KIF13A: variants seen among roughly 807,000 people sequenced by gnomAD.
KIF13A encodes the protein kinesin-like protein KIF13A.
Under a neutral mutation model 212.2 loss-of-function variants are expected in KIF13A, and 79 were observed. That is an observed-to-expected ratio of 0.37 (90% CI 0.31 to 0.45). The LOEUF (loss-of-function observed/expected upper bound fraction) is 0.45. Among genes scored for constraint, KIF13A ranks in the 20% least tolerant of loss-of-function variants. KIF13A has a pLI of 1.00. For missense variants in KIF13A, 1,901 were observed against 2,209.0 expected (o/e 0.86, Z 2.79); for synonymous variants, 789 against 808.6 (o/e 0.98, Z 0.41).
chr6:17,965,178 C>T (rs954942885), intron 2 of KIF13A, among the ~76,000 whole-genome samples: 1 of 152,138 alleles, frequency 6.6e-6, no homozygotes, highest in Non-Finnish European at 1.5e-5. Context: ...GAAAAGGTTA[C>T]AAGCTTTCCA....
intron 20 of KIF13A, 147 bp downstream of exon 20, chr6:17,804,214 A>G: frequency 3.4e-6 from 2 of 596,662 alleles, no homozygotes; most frequent in Non-Finnish European, 5.5e-6. Flanking sequence ...ATCGATTATT[A>G]GTAGAGAAAA....
rs1359449464 is a variant in KIF13A, at chr6:17,984,273, C to T, written c.146+2781G>A. ...AAGGTGAGTGACTCTGGTGTAGGTA[C>T]TGGATCCACAAGTATCTTTGAATCC... On this transcript the variant is annotated intron_variant, in intron 2 of 38. Coordinates refer to ENST00000259711, the MANE Select transcript of KIF13A (RefSeq NM_022113.6). This position sits in a 1 kb window ranked among gnomAD's most constrained non-coding sequence, Gnocchi z 5.0. 1.3e-5 allele frequency among the ~76,000 whole-genome samples: 2 copies of T among 152,206 alleles called. No individual in the cohort carries two copies. The highest frequency in any genetic ancestry group is 2.9e-5 in the Non-Finnish European group (2 of 68,036).
intron 2 of KIF13A, among the ~76,000 whole-genome samples, chr6:17,932,465 A>C (rs1159709750): frequency 6.6e-6 from 1 of 152,210 alleles, no homozygotes; most frequent in Non-Finnish European, 1.5e-5. Context: ...GCATAGTTGC[A>C]TAAGGCTTTT....
chr6:17,808,622 T>C (rs764352784), intron 18 of KIF13A, 146 bp downstream of exon 18: 26 of 663,104 alleles, frequency 3.9e-5, no homozygotes, highest in Admixed American at 1.0e-4. Flanking sequence ...TCCAATGAGG[T>C]ATATAAAGAA....
chr6:17,974,470 C>T (rs1225917607), intron 2 of KIF13A, among the ~76,000 whole-genome samples: 1 of 152,200 alleles, frequency 6.6e-6, no homozygotes, highest in Non-Finnish European at 1.5e-5. Context: ...CTTGGGCATT[C>T]AACCTGGTCA....
At chr6:17,877,868 T>C (rs75914745) in intron 3 of KIF13A, among the ~76,000 whole-genome samples, 2,691 of 152,206 alleles carry the variant, frequency 0.018, 90 homozygotes, top group African/African-American at 0.061. Context: ...CTAAAAAAAT[T>C]TGCAGTCAGT....
chr6:17,896,769 C>G (rs1230427697), intron 3 of KIF13A, among the ~76,000 whole-genome samples: 4 of 152,174 alleles, frequency 2.6e-5, no homozygotes, highest in Non-Finnish European at 4.4e-5. Context: ...GTTTTTGTGT[C>G]TCTTTTTCAT....
chr6:17,962,580 T>C lies in KIF13A; in HGVS notation c.146+24474A>G, dbSNP rs1419123159. Reference sequence around the variant, plus strand: ...GAGGGTGGGGCAGGACACAACCATCTGTACCGGCCCTGCCCTCAGGAACAG... The same window carrying C: ...GAGGGTGGGGCAGGACACAACCATCCGTACCGGCCCTGCCCTCAGGAACAG... On this transcript the variant is annotated intron_variant, in intron 2 of 38. Coordinates refer to ENST00000259711, the MANE Select transcript of KIF13A (RefSeq NM_022113.6). Among the ~76,000 whole-genome samples the C allele has an allele frequency of 6.6e-5, 10 of 152,228 alleles. No individual in the cohort carries two copies. In the East Asian group the frequency reaches 1.9e-3, roughly 30 times the overall value.
Position 17,868,524 on chromosome 6 carries a change from A to G in KIF13A, c.220+4853T>C, listed in dbSNP as rs79804485. On this transcript the variant is annotated intron_variant, in intron 4 of 38. Coordinates refer to ENST00000259711, the MANE Select transcript of KIF13A (RefSeq NM_022113.6). ...AGTTTATGTAGAAATGCCATGCTCC[A>G]GGTATCTAATTCTGCAGGTTATTTC... Among the ~76,000 whole-genome samples the G allele has an allele frequency of 3.1e-3, 476 of 151,508 alleles. 2 individuals carry two copies. Among genetic ancestry groups the G allele is most frequent in the Non-Finnish European group, 5.6e-3 (379 of 67,868 alleles).
chr6:17,832,779 A>C (rs142810898), intron 12 of KIF13A, among the ~76,000 whole-genome samples: 1,896 of 152,166 alleles, frequency 0.012, 41 homozygotes, highest in African/African-American at 0.043. Flanking sequence ...TGGGAGGCTA[A>C]GGTGGGTGGA....
Position 17,886,286 on chromosome 6 carries a change from C to T in KIF13A, c.159+11882G>A, listed in dbSNP as rs562345710. On this transcript the variant is annotated intron_variant, in intron 3 of 38. Transcript: ENST00000259711. The surrounding 1 kb of genome is among the most constrained non-coding windows in gnomAD (Gnocchi z 5.6). ...TCCCCTCTGCCTCACTGCACCATGCCAGGTACATAGAGCCACAGAGAGGAG... is the reference window on the plus strand; with the variant it reads ...TCCCCTCTGCCTCACTGCACCATGCTAGGTACATAGAGCCACAGAGAGGAG... Among the ~76,000 whole-genome samples the T allele has an allele frequency of 8.0e-4, 121 of 152,192 alleles. No individual in the cohort carries two copies. Among genetic ancestry groups the T allele is most frequent in the Non-Finnish European group, 1.5e-3 (99 of 68,032 alleles).
intron 2 of KIF13A, among the ~76,000 whole-genome samples, chr6:17,976,237 G>A (rs1467934502): frequency 6.6e-6 from 1 of 152,244 alleles, no homozygotes; most frequent in Non-Finnish European, 1.5e-5. Flanking sequence ...TGGAGAAGGG[G>A]CCGGCGCTCG....
At chr6:17,881,453 A>T (rs1315067067) in intron 3 of KIF13A, 1 of 430,932 alleles carries the variant, frequency 2.3e-6, no homozygotes, top group Admixed American at 2.8e-5. Context: ...TAAAAAAAAA[A>T]AAAAAGGCCA....
At position 17,940,817 on chromosome 6, in the gene KIF13A, A is replaced by ATTT. The variant is rs11325656; in HGVS notation, c.147-42640_147-42638dup. 9.9e-4 allele frequency among the ~76,000 whole-genome samples: 139 copies of ATTT among 140,526 alleles called. 6 individuals carry two copies. Among genetic ancestry groups the ATTT allele is most frequent in the African/African-American group, 3.6e-3 (137 of 37,642 alleles). The allele number at this position is 140,526 out of a possible 152,430, so 92.2% of individuals were successfully genotyped here. ...GTTAGGACTTAACACATGTAAATTT[A>ATTT]TTTTTTTTTTTTTTTTTTTTTTTTT... On this transcript the variant is annotated intron_variant, in intron 2 of 38. Coordinates refer to ENST00000259711, the MANE Select transcript of KIF13A (RefSeq NM_022113.6).
chr6:17,970,023 C>T (rs568730247), intron 2 of KIF13A, among the ~76,000 whole-genome samples: 3 of 151,960 alleles, frequency 2.0e-5, no homozygotes, highest in East Asian at 3.9e-4. Flanking sequence ...CCCGGGTTCA[C>T]GCCATTATCC....
chr6:17,976,451 G>A (rs904004218), intron 2 of KIF13A, among the ~76,000 whole-genome samples: 4 of 152,212 alleles, frequency 2.6e-5, no homozygotes, highest in East Asian at 1.9e-4. Context: ...TTCATTGCCC[G>A]GGGCCGGCAA....
At position 17,785,482 on chromosome 6, in the gene KIF13A, C is replaced by T. The variant is rs770472933; in HGVS notation, c.3488+33G>A. ...TGCCACAGGCGACCTGTACCATCTC[C>T]CCAGGTCTGCACAGAAGGGAGGGCA... On this transcript the variant is annotated intron_variant, in intron 28 of 38. Coordinates refer to ENST00000259711, the MANE Select transcript of KIF13A (RefSeq NM_022113.6). This position sits in a 1 kb window ranked among gnomAD's most constrained non-coding sequence, Gnocchi z 5.8. The T allele has an allele frequency of 2.0e-6, 3 of 1,499,158 alleles. No individual in the cohort carries two copies. Among genetic ancestry groups the T allele is most frequent in the South Asian group, 1.4e-5 (1 of 71,802 alleles). The allele number at this position is 1,499,158 out of a possible 1,614,324, so 92.9% of individuals were successfully genotyped here.
At chr6:17,921,674 G>A (rs1469323642) in intron 2 of KIF13A, among the ~76,000 whole-genome samples, 3 of 152,170 alleles carry the variant, frequency 2.0e-5, no homozygotes, top group African/African-American at 4.8e-5. Context: ...GAGAATCAAG[G>A]TGGGGAGAGA....
At position 17,783,437 on chromosome 6, in the gene KIF13A, C is replaced by T. The variant is rs112982881; in HGVS notation, c.3544+209G>A. The stretch of plus-strand genomic sequence containing the variant: ...GTTTCAGAGCAACTGTGCTAATGCT[C>T]GTGCATGCAGTTCTCAATCACCCTA... On this transcript the variant is annotated intron_variant, in intron 29 of 38. Transcript: ENST00000259711. The surrounding 1 kb of genome is among the most constrained non-coding windows in gnomAD (Gnocchi z 4.3). Among the ~76,000 whole-genome samples, 903 of 152,266 alleles carry T rather than the reference C, an allele frequency of 5.9e-3. 6 individuals carry two copies. The highest frequency in any genetic ancestry group is 0.02 in the African/African-American group (850 of 41,566).
Sources: gnomAD v4.1 joint callset for allele counts (sites outside exome capture counted in the v4.1 genomes callset) on GRCh38, gnomAD v4.1.1 for gene constraint, Gnocchi (gnomAD v3.1) non-coding constraint, MANE v1.5 for transcripts, NCBI Gene and HGNC (gene_info 2026-07-23, HGNC 2026-07-21) for gene names.